MIS18A: variants seen among roughly 807,000 people sequenced by gnomAD.
MIS18A encodes protein Mis18-alpha.
MIS18A carries 14 observed loss-of-function variants against 25.0 expected under a neutral mutation model. The observed-to-expected ratio is 0.56, with a 90% CI of 0.37 to 0.88. MIS18A has a LOEUF of 0.88. Ranked by LOEUF, MIS18A falls within the 40% of genes least tolerant of loss-of-function variation. MIS18A has a pLI of 0.00. For synonymous variants in MIS18A, 134 were observed against 118.6 expected, an observed-to-expected ratio of 1.13 and a Z score of -0.84; for missense variants, 292 against 290.8, an observed-to-expected ratio of 1.00 and a Z score of -0.03.
the MIS18A span, among the ~76,000 whole-genome samples, chr21:32,253,948 T>G: frequency 4.7e-4 from 72 of 152,380 alleles, no homozygotes; most frequent in African/African-American, 1.7e-3. Context: ...CCTATAGAAG[T>G]AAATTGCTGG....
chr21:32,173,950 T>C, the MIS18A span, among the ~76,000 whole-genome samples: 1 of 142,744 alleles, frequency 7.0e-6, no homozygotes, highest in African/African-American at 2.7e-5. Context: ...AATATTACTT[T>C]TTAAGTTTTT....
chr21:32,188,943 A>G, the MIS18A span, among the ~76,000 whole-genome samples: 69 of 152,342 alleles, frequency 4.5e-4, no homozygotes, highest in African/African-American at 1.6e-3. Context: ...TTCCCAATCA[A>G]ACGATTTTTA....
At chr21:32,223,024 C>T in the MIS18A span, among the ~76,000 whole-genome samples, 1 of 151,242 alleles carries the variant, frequency 6.6e-6, no homozygotes, top group African/African-American at 2.4e-5. Context: ...TCCTGAATGA[C>T]TACTGGGTAA....
the MIS18A span, among the ~76,000 whole-genome samples, chr21:32,254,287 C>T: frequency 4.0e-5 from 6 of 151,548 alleles, no homozygotes; most frequent in African/African-American, 1.5e-4. Flanking sequence ...CGCCTGTAAT[C>T]CCAGCACTTT....
At chr21:32,240,778 G>T in the MIS18A span, among the ~76,000 whole-genome samples, 5 of 152,106 alleles carry the variant, frequency 3.3e-5, no homozygotes, top group South Asian at 2.1e-4. Context: ...TGTGGTTTTG[G>T]TTTTTTTAAA....
chr21:32,277,300 C>T (rs2031832406), intron 1 of MIS18A, among the ~76,000 whole-genome samples: 1 of 152,022 alleles, frequency 6.6e-6, no homozygotes. Context: ...CGCAAAACAA[C>T]GAAAAGAGCC....
chr21:32,194,380 C>T, the MIS18A span, among the ~76,000 whole-genome samples: 2 of 152,008 alleles, frequency 1.3e-5, no homozygotes, highest in Admixed American at 6.5e-5. Flanking sequence ...TAGATATAGG[C>T]CAGGCATGGT....
the MIS18A span, among the ~76,000 whole-genome samples, chr21:32,244,135 C>T: frequency 1.3e-5 from 2 of 152,052 alleles, no homozygotes; most frequent in Non-Finnish European, 2.9e-5. Flanking sequence ...AAGCATTCTG[C>T]TAAGTGAAGG....
At chr21:32,207,436 C>T in the MIS18A span, among the ~76,000 whole-genome samples, 19,040 of 152,150 alleles carry the variant, frequency 0.13, 1,453 homozygotes, top group African/African-American at 0.2. Context: ...AAATATAAAA[C>T]TGAGAAAGGG....
chr21:32,250,648 G>A, the MIS18A span, among the ~76,000 whole-genome samples: 1 of 152,206 alleles, frequency 6.6e-6, no homozygotes, highest in East Asian at 1.9e-4. Context: ...TTGGACAGAT[G>A]TGTGTAAAAT....
At chr21:32,235,467 G>A in the MIS18A span, among the ~76,000 whole-genome samples, 1 of 152,254 alleles carries the variant, frequency 6.6e-6, no homozygotes. Flanking sequence ...TAAACCCAGT[G>A]CATCTGAATC....
the MIS18A span, among the ~76,000 whole-genome samples, chr21:32,155,943 A>G: frequency 9.1e-6 from 1 of 110,198 alleles, no homozygotes; most frequent in South Asian, 3.5e-4. Flanking sequence ...CAGTGTCACC[A>G]ATTGTTAGGA....
At chr21:32,253,212 G>A in the MIS18A span, among the ~76,000 whole-genome samples, 38 of 152,236 alleles carry the variant, frequency 2.5e-4, no homozygotes, top group East Asian at 7.4e-3. Context: ...AGATGAGCAG[G>A]GGAGGGAAGG....
the MIS18A span, among the ~76,000 whole-genome samples, chr21:32,172,265 T>C: frequency 6.6e-6 from 1 of 152,106 alleles, no homozygotes; most frequent in Non-Finnish European, 1.5e-5. Context: ...AGATCTATCA[T>C]AGGATACAAT....
the MIS18A span, among the ~76,000 whole-genome samples, chr21:32,229,393 T>G: frequency 6.6e-6 from 1 of 152,304 alleles, no homozygotes; most frequent in African/African-American, 2.4e-5. Context: ...TGTAAAATCC[T>G]TCCCATTAGA....
chr21:32,181,330 A>G, the MIS18A span, among the ~76,000 whole-genome samples: 4 of 152,164 alleles, frequency 2.6e-5, no homozygotes, highest in African/African-American at 4.8e-5. Context: ...AGTAGATCGT[A>G]GGACTCTTCA....
the MIS18A span, among the ~76,000 whole-genome samples, chr21:32,180,821 C>T: frequency 6.6e-6 from 1 of 152,196 alleles, no homozygotes; most frequent in South Asian, 2.1e-4. Flanking sequence ...TAGTGAATAA[C>T]ACATTTGCAC....
At chr21:32,189,305 G>A in the MIS18A span, among the ~76,000 whole-genome samples, 3 of 152,152 alleles carry the variant, frequency 2.0e-5, no homozygotes, top group African/African-American at 4.8e-5. Context: ...TTGAAACAGA[G>A]TCTCACTCTG....
At chr21:32,237,852 C>T in the MIS18A span, among the ~76,000 whole-genome samples, 1 of 151,948 alleles carries the variant, frequency 6.6e-6, no homozygotes, top group Non-Finnish European at 1.5e-5. Context: ...CCAGAAGTAG[C>T]TAAAAGGCTA....
Sources: gnomAD v4.1 joint callset for allele counts (sites outside exome capture counted in the v4.1 genomes callset) on GRCh38, gnomAD v4.1.1 for gene constraint, MANE v1.5 for transcripts, NCBI Gene and HGNC (gene_info 2026-07-23, HGNC 2026-07-21) for gene names.